GIPR: variants seen among roughly 807,000 people sequenced by gnomAD.
GIPR encodes gastric inhibitory polypeptide receptor, also known as GIP-R.
A neutral mutation model predicts 62.2 loss-of-function variants in GIPR; 74 were observed. The observed-to-expected ratio is 1.19, with a 90% CI of 0.99 to 1.44. The LOEUF (loss-of-function observed/expected upper bound fraction) is 1.44, where lower values mean the gene tolerates loss of function less well. Ranked by LOEUF, GIPR falls within the 40% of genes most tolerant of loss-of-function variation. The pLI, the probability that GIPR is intolerant of heterozygous loss-of-function variation, is 0.00. For synonymous variants in GIPR, 256 were observed against 262.2 expected, an observed-to-expected ratio of 0.98 and a Z score of 0.23; for missense variants, 664 against 611.8, an observed-to-expected ratio of 1.09 and a Z score of -0.90.
chr19:45,669,958 G>T (rs1015807102), intron 2 of GIPR, among the ~76,000 whole-genome samples: 1 of 151,264 alleles, frequency 6.6e-6, no homozygotes, highest in African/African-American at 2.4e-5. Flanking sequence ...CGGGGTGGGG[G>T]GGGGAGGCTT....
At chr19:45,681,359 G>A (rs2146104464) in intron 12 of GIPR, among the ~76,000 whole-genome samples, 1 of 152,286 alleles carries the variant, frequency 6.6e-6, no homozygotes, top group East Asian at 1.9e-4. Context: ...GCTGGGCGTG[G>A]TGGAGGGCGC....
At chr19:45,671,955 A>C (rs1040436841) in intron 4 of GIPR, among the ~76,000 whole-genome samples, 60 of 142,694 alleles carry the variant, frequency 4.2e-4, no homozygotes, top group African/African-American at 1.5e-3. Context: ...CCTTTTCCTG[A>C]GTCTGTCAGT....
chr19:45,674,171 T>C lies in GIPR; in HGVS notation c.482T>C (p.Leu161Ser). Residue 161 changes from leucine (L) to serine (S), a missense_variant, in exon 6 of 14, where the codon TTG (leucine) becomes TCG (serine). Leu to Ser is a moderately radical substitution (Grantham distance 145). Coordinates refer to ENST00000590918, the MANE Select transcript of GIPR (RefSeq NM_000164.4). ...CTGCTAGCCCTGCTCATCTTGAGTTTGTTCAGGTGGGACCTTAACCCTGAG... is the reference window on the plus strand; with the variant it reads ...CTGCTAGCCCTGCTCATCTTGAGTTCGTTCAGGTGGGACCTTAACCCTGAG... Reference protein sequence around the residue: ...TLLLALLILSLFRRLHCTRNY... With the variant: ...TLLLALLILSSFRRLHCTRNY... The C allele has an allele frequency of 6.2e-7, 1 of 1,608,676 alleles. No homozygotes were observed. Among genetic ancestry groups the C allele is most frequent in the Non-Finnish European group, 8.5e-7 (1 of 1,175,030 alleles).
chr19:45,677,296 G>A (rs546461131), intron 8 of GIPR, 27 bp from the exon 9 acceptor site: 491 of 1,469,324 alleles, frequency 3.3e-4, no homozygotes, highest in Middle Eastern at 4.8e-4. Flanking sequence ...GCGGCGGGGT[G>A]GGGGGGCGGG....
At chr19:45,670,031 G>A (rs1975455153) in intron 2 of GIPR, among the ~76,000 whole-genome samples, 1 of 151,578 alleles carries the variant, frequency 6.6e-6, no homozygotes, top group African/African-American at 2.4e-5. Flanking sequence ...GTTGGGTGGT[G>A]GTTTGTTTGT....
rs563403434 is a variant in GIPR at position 45,670,564 on chromosome 19, G to A, written c.73-71G>A. 29 of 1,058,562 alleles carry A rather than the reference G, an allele frequency of 2.7e-5. No homozygotes were observed. The East Asian group carries it at 6.8e-4, about 25-fold the overall frequency. The allele number at this position is 1,058,562 out of a possible 1,614,324, so 65.6% of individuals were successfully genotyped here. Reference sequence around the variant, plus strand: ...CTCAAAGTCTCTCTGGGGCGCTTCTGGGCCACATGGACCTAGCAGCCTGGG... The same window carrying A: ...CTCAAAGTCTCTCTGGGGCGCTTCTAGGCCACATGGACCTAGCAGCCTGGG... On this transcript the variant is annotated intron_variant, in intron 2 of 13. Coordinates refer to ENST00000590918, the MANE Select transcript of GIPR (RefSeq NM_000164.4).
At chr19:45,672,614 T>C (rs1315005555) in intron 4 of GIPR, 9 of 463,742 alleles carry the variant, frequency 1.9e-5, no homozygotes, top group South Asian at 6.0e-5. Flanking sequence ...CTTAACATTT[T>C]GTACCTCAAT....
At chr19:45,674,010 G>A (rs1975694370) in intron 5 of GIPR, 64 bp from the exon 6 acceptor site, 2 of 917,114 alleles carry the variant, frequency 2.2e-6, no homozygotes, top group Non-Finnish European at 1.8e-6. Context: ...GGTCCTTCCA[G>A]TCTCTCTCTG....
chr19:45,682,112 CCA>C lies in GIPR; in HGVS notation c.*183_*184del, dbSNP rs1009182157. 4.6e-6 allele frequency: 3 copies of C among 645,850 alleles called. No individual in the cohort carries two copies. Among genetic ancestry groups the C allele is most frequent in the African/African-American group, 3.7e-5 (2 of 53,714 alleles). The allele number at this position is 645,850 out of a possible 1,614,324, so 40.0% of individuals were successfully genotyped here. A position where few individuals can be genotyped will look rare whatever the true frequency, so the allele number is the denominator to read the frequency against. On this transcript the variant is annotated 3_prime_UTR_variant, in exon 14 of 14. Transcript: ENST00000590918. ...GACCGTGAACACAAAACATCAAGTT[CCA>C]CACACGCTATGGAATGGTTATGAAG... is the stretch of plus-strand genomic sequence containing the variant.
At chr19:45,674,983 C>A in intron 7 of GIPR, 157 bp downstream of exon 7, 287 of 624,980 alleles carry the variant, frequency 4.6e-4, no homozygotes, top group East Asian at 7.3e-4. Flanking sequence ...GATCAAGACA[C>A]ATTTGGAGAG....
rs750443279 is a variant in GIPR, at chr19:45,669,569, G to C, written c.49G>C (p.Gly17Arg). 3 of 1,581,200 alleles carry C rather than the reference G, an allele frequency of 1.9e-6. No homozygotes were observed. The highest frequency in any genetic ancestry group is 2.3e-5 in the South Asian group (2 of 86,760). Residue 17 changes from glycine to arginine, a missense_variant, in exon 2 of 14, where the codon GGG becomes CGG. Transcript: ENST00000590918. ...GCTGCTGCTGCGGCTCTCACTGTGC[G>C]GGCTGCTGCTCCAGAGGGCGGAGGT... ...LQLLLRLSLC[G>R]LLLQRAETGS...
rs747074058 is a variant in GIPR, at chr19:45,676,929, C to T, written c.634-20C>T. ...CCGGGCAGCGCTGACTACCCCTCTA[C>T]CGGTCTGGCCCCTCCCTAGGCCCTC... On this transcript the variant is annotated intron_variant, in intron 7 of 13. Coordinates refer to ENST00000590918, the MANE Select transcript of GIPR (RefSeq NM_000164.4). The T allele has an allele frequency of 6.2e-7, 1 of 1,612,644 alleles. No individual in the cohort carries two copies. Among genetic ancestry groups the T allele is most frequent in the Non-Finnish European group, 8.5e-7 (1 of 1,179,452 alleles).
chr19:45,671,313 G>A lies in GIPR; in HGVS notation c.201G>A (p.Met67Ile), dbSNP rs1296131841. 1.2e-6 allele frequency: 2 copies of A among 1,612,750 alleles called. No homozygotes were observed. The highest frequency in any genetic ancestry group is 2.2e-5 in the South Asian group (2 of 91,084). The change falls in exon 4 of 14, where the codon ATG becomes ATA. Residue 67 changes from methionine (M) to isoleucine (I), a missense_variant. Physicochemically the swap from Met to Ile is conservative, Grantham distance 10 (BLOSUM62 1). Transcript: ENST00000590918. Reference sequence around the variant, plus strand: ...TCGCCTGTAACGGGTCCTTCGATATGTACGTCTGCTGGGACTATGCTGCAC... The same window carrying A: ...TCGCCTGTAACGGGTCCTTCGATATATACGTCTGCTGGGACTATGCTGCAC... ...SGLACNGSFD[M>I]YVCWDYAAPN...
chr19:45,674,444 C>G, intron 6 of GIPR: 1 of 624,920 alleles, frequency 1.6e-6, no homozygotes, highest in Non-Finnish European at 2.9e-6. Context: ...CTTGTCTCTA[C>G]GACAAATAAA....
Position 45,672,765 on chromosome 19 carries a change from C to G in GIPR, c.281-86C>G, listed in dbSNP as rs555607716. 4.8e-5 allele frequency: 38 copies of G among 789,070 alleles called. 1 individual carries two copies. In the South Asian group the frequency reaches 5.2e-4, roughly 11 times the overall value. 48.9% of individuals were successfully genotyped at this position (789,070 alleles called of 1,614,324 possible). ...ATCATCATCACCACTTCGGCTCTCTCCCTCTCTGTTATTGTCTCACAGTTT... is the reference window on the plus strand; with the variant it reads ...ATCATCATCACCACTTCGGCTCTCTGCCTCTCTGTTATTGTCTCACAGTTT... On this transcript the variant is annotated intron_variant, in intron 4 of 13. Coordinates refer to ENST00000590918, the MANE Select transcript of GIPR (RefSeq NM_000164.4).
chr19:45,678,151 C>G lies in GIPR; in HGVS notation c.1077C>G (p.Pro359=). The G allele has an allele frequency of 6.2e-7, 1 of 1,610,364 alleles. No homozygotes were observed. The highest frequency in any genetic ancestry group is 1.1e-5 in the South Asian group (1 of 90,766). The change falls in exon 12 of 14, where the codon CCC becomes CCG. Residue 359 remains proline, a synonymous_variant. Transcript: ENST00000590918. Reference sequence around the variant, plus strand: ...GTGTCCACGAGGTGGTGTTTGCTCCCGTGACAGAGGAACAGGCCCGGGGCG... The same window carrying G: ...GTGTCCACGAGGTGGTGTTTGCTCCGGTGACAGAGGAACAGGCCCGGGGCG... ...LLGVHEVVFA[P]VTEEQARGAL...
At position 45,671,364 on chromosome 19, in the gene GIPR, C is replaced by A. The variant is rs755629061; in HGVS notation, c.252C>A (p.Cys84Ter). 6.2e-7 allele frequency: 1 copy of A among 1,610,594 alleles called. No individual in the cohort carries two copies. Among genetic ancestry groups the A allele is most frequent in the African/African-American group, 1.3e-5 (1 of 75,018 alleles). The change falls in exon 4 of 14, where the codon TGC becomes TGA. Residue 84 changes from cysteine (C) to a stop codon, truncating the protein, a stop_gained. Coordinates refer to ENST00000590918, the MANE Select transcript of GIPR (RefSeq NM_000164.4). LOFTEE classifies it high-confidence loss of function. Reference protein sequence around the residue: ...AAPNATARASCPWYLPWHHHV... With the variant: ...AAPNATARAS ...CCAATGCCACTGCCCGTGCGTCCTG[C>A]CCCTGGTACCTGCCCTGGCACCACC...
intron 1 of GIPR, 91 bp from the exon 2 acceptor site, chr19:45,669,386 G>GTGTGTGAA: frequency 7.8e-7 from 1 of 1,284,922 alleles, no homozygotes. Flanking sequence ...CTCCCCAGCC[G>GTGTGTGAA]TCTGCCCCTG....
intron 5 of GIPR, among the ~76,000 whole-genome samples, chr19:45,673,850 C>A (rs1975683274): frequency 6.7e-6 from 1 of 150,318 alleles, no homozygotes; most frequent in South Asian, 2.1e-4. Context: ...GGCAACAAAG[C>A]AAGACCATGT....
Sources: gnomAD v4.1 joint callset for allele counts (sites outside exome capture counted in the v4.1 genomes callset) on GRCh38, gnomAD v4.1.1 for gene constraint, MANE v1.5 for transcripts, NCBI Gene and HGNC (gene_info 2026-07-23, HGNC 2026-07-21) for gene names.